Variants in RAD23B observed in about 807,000 individuals in gnomAD.
RAD23B encodes the protein lysine-specific demethylase RAD23B.
RAD23B carries 5 observed loss-of-function variants against 49.1 expected under a neutral mutation model. The observed-to-expected ratio is 0.10, with a 90% CI of 0.05 to 0.21. The LOEUF is 0.21. Ranked by LOEUF, RAD23B falls within the 10% of genes least tolerant of loss-of-function variation. RAD23B has a pLI of 1.00. For synonymous variants in RAD23B, 184 were observed against 165.4 expected (o/e 1.11, Z -0.86); for missense variants, 356 against 486.7 (o/e 0.73, Z 2.53).
At chr9:107,314,320 A>C (rs1442792120) in intron 5 of RAD23B, among the ~76,000 whole-genome samples, 2 of 152,168 alleles carry the variant, frequency 1.3e-5, no homozygotes, top group Non-Finnish European at 2.9e-5. Context: ...ATTGTACCAA[A>C]CAGGAAGTTT....
chr9:107,292,965 A>G lies in RAD23B; in HGVS notation c.67-7176A>G, dbSNP rs192114794. The stretch of plus-strand genomic sequence containing the variant: ...CTATTTCATAATTTCTGTGAGTCAG[A>G]AATTCAGGGATATTTTAGCTGTGTG... On this transcript the variant is annotated intron_variant, in intron 1 of 9. Coordinates refer to ENST00000358015, the MANE Select transcript of RAD23B (RefSeq NM_002874.5). Among the ~76,000 whole-genome samples the G allele has an allele frequency of 9.0e-4, 137 of 152,324 alleles. 1 individual carries two copies. The highest frequency in any genetic ancestry group is 7.3e-3 in the Admixed American group (112 of 15,298).
At chr9:107,306,320 T>A in intron 3 of RAD23B, 59 bp from the exon 4 acceptor site, 1 of 1,512,894 alleles carries the variant, frequency 6.6e-7, no homozygotes, top group Non-Finnish European at 9.0e-7. Flanking sequence ...ACAGTCTAAT[T>A]AGAGATCAGG....
At position 107,331,860 on chromosome 9, in the gene RAD23B, C is replaced by T. The variant is rs112298213; in HGVS notation, c.*2204C>T. ...TTTATCTGCTTCTTAAAGAATCAGC[C>T]GAGACACCATAAAAGAAATAGGCTT... On this transcript the variant is annotated 3_prime_UTR_variant, in exon 10 of 10. Transcript: ENST00000358015. The T allele has an allele frequency of 4.5e-3, 2,537 of 562,358 alleles. 10 individuals are homozygous for T. The highest frequency in any genetic ancestry group is 4.1e-3 in the Non-Finnish European group (1,272 of 311,892). 34.8% of individuals were successfully genotyped at this position (562,358 alleles called of 1,614,324 possible).
At chr9:107,322,824 T>G (rs1212207047) in intron 7 of RAD23B, among the ~76,000 whole-genome samples, 1 of 152,198 alleles carries the variant, frequency 6.6e-6, no homozygotes, top group Non-Finnish European at 1.5e-5. Flanking sequence ...GTGTACAGTC[T>G]CCCAAGGACA....
intron 9 of RAD23B, among the ~76,000 whole-genome samples, chr9:107,326,468 G>A (rs1428820592): frequency 2.2e-5 from 3 of 137,048 alleles, no homozygotes; most frequent in African/African-American, 8.5e-5. Context: ...GCCACAGAGC[G>A]AGACTCTGTC....
intron 7 of RAD23B, among the ~76,000 whole-genome samples, chr9:107,323,519 AT>A (rs1587863992): frequency 6.6e-6 from 1 of 151,978 alleles, no homozygotes; most frequent in Admixed American, 6.6e-5. Context: ...TGTGGTGTAT[AT>A]TTTTCTTAGG....
intron 5 of RAD23B, among the ~76,000 whole-genome samples, chr9:107,312,329 C>G (rs1587857856): frequency 6.6e-6 from 1 of 152,128 alleles, no homozygotes; most frequent in Admixed American, 6.5e-5. Context: ...TATTGGCTGG[C>G]AACTCCATTC....
chr9:107,319,426 G>A (rs1362266829), intron 6 of RAD23B, among the ~76,000 whole-genome samples: 1 of 152,026 alleles, frequency 6.6e-6, no homozygotes, highest in African/African-American at 2.4e-5. Context: ...CACCGTGCCT[G>A]GCCAAAATTT....
chr9:107,309,514 A>C (rs545863244), intron 4 of RAD23B, among the ~76,000 whole-genome samples: 10 of 152,360 alleles, frequency 6.6e-5, no homozygotes, highest in African/African-American at 2.2e-4. Flanking sequence ...ACATATAACT[A>C]ATGAGTGGTT....
In RAD23B at chr9:107,329,614, G is replaced by A. The variant is rs1564254835; in HGVS notation, c.1188G>A (p.Leu396=). Residue 396 remains leucine, a synonymous_variant, in exon 10 of 10, where the codon TTG becomes TTA. Transcript: ENST00000358015. ...AYFACEKNEN[L]AANFLLQQNF... is the part of the protein sequence containing the mutation. ...TTGCTTGTGAGAAGAATGAGAATTT[G>A]GCTGCCAATTTTCTTCTACAGCAGA... 1.9e-6 allele frequency: 3 copies of A among 1,613,432 alleles called. No homozygotes were observed. The highest frequency in any genetic ancestry group is 1.7e-5 in the Admixed American group (1 of 60,014).
chr9:107,321,455 C>T (rs985718031), intron 6 of RAD23B, among the ~76,000 whole-genome samples: 5 of 151,912 alleles, frequency 3.3e-5, no homozygotes, highest in Non-Finnish European at 7.4e-5. Context: ...ATTTTTTCCC[C>T]CAGGAGTCAT....
In RAD23B at chr9:107,308,963, A is replaced by C. The variant is rs78275092; in HGVS notation, c.497+2316A>C. On this transcript the variant is annotated intron_variant, in intron 4 of 9. Coordinates refer to ENST00000358015, the MANE Select transcript of RAD23B (RefSeq NM_002874.5). ...TATTAGGGATTTGTTTCTTTAGGTC[A>C]ATTTTGTTCTTTTAAAAATTGTCTG... 3.0e-4 allele frequency among the ~76,000 whole-genome samples: 45 copies of C among 152,326 alleles called. No individual in the cohort carries two copies. The East Asian group carries it at 7.9e-3, about 27-fold the overall frequency.
At chr9:107,304,066 TGCTGCTACAGTAAG>T (rs1312941665) in intron 3 of RAD23B, among the ~76,000 whole-genome samples, 2 of 152,150 alleles carry the variant, frequency 1.3e-5, no homozygotes, top group African/African-American at 2.4e-5. Flanking sequence ...AGGGAGGGAA[TGCTGCTACAGTAAG>T]GCATTATGGA....
At chr9:107,326,123 G>A (rs1288419543) in intron 9 of RAD23B, among the ~76,000 whole-genome samples, 1 of 152,086 alleles carries the variant, frequency 6.6e-6, no homozygotes, top group South Asian at 2.1e-4. Flanking sequence ...TAGCCTGCTT[G>A]TATTTTGTTG....
chr9:107,306,517 C>A lies in RAD23B; in HGVS notation c.367C>A (p.Pro123Thr). 3.7e-6 allele frequency: 6 copies of A among 1,614,164 alleles called. No individual in the cohort carries two copies. Among genetic ancestry groups the A allele is most frequent in the Non-Finnish European group, 5.1e-6 (6 of 1,180,032 alleles). ...PVPALAPTST[P>T]ASITPASATA... is the part of the protein sequence containing the mutation. Reference sequence around the variant, plus strand: ...CCCTGCCTTGGCCCCCACTTCCACACCTGCATCCATCACTCCAGCATCAGC... The same window carrying A: ...CCCTGCCTTGGCCCCCACTTCCACAACTGCATCCATCACTCCAGCATCAGC... Residue 123 changes from proline (P) to threonine (T), a missense_variant, in exon 4 of 10, where the codon CCT (proline) becomes ACT (threonine). Around this residue, in one of 5 missense-constraint regions of RAD23B, gnomAD observed 137 missense variants for 122.0 expected, o/e 1.12. Transcript: ENST00000358015.
intron 9 of RAD23B, among the ~76,000 whole-genome samples, chr9:107,327,696 T>C (rs761656106): frequency 2.5e-4 from 38 of 152,304 alleles, no homozygotes; most frequent in Non-Finnish European, 4.6e-4. Flanking sequence ...GAATGTTCTA[T>C]GTATACTGAA....
At chr9:107,304,013 T>G (rs1019076325) in intron 3 of RAD23B, among the ~76,000 whole-genome samples, 6 of 152,176 alleles carry the variant, frequency 3.9e-5, no homozygotes, top group Admixed American at 1.3e-4. Context: ...CTAATGATAT[T>G]TATGATTGTT....
intron 1 of RAD23B, among the ~76,000 whole-genome samples, chr9:107,293,940 G>T (rs991256227): frequency 6.6e-6 from 1 of 152,108 alleles, no homozygotes; most frequent in South Asian, 2.1e-4. Flanking sequence ...GGGCACCACA[G>T]CACCCGTCTA....
intron 1 of RAD23B, among the ~76,000 whole-genome samples, chr9:107,286,100 A>G (rs1833268350): frequency 6.6e-6 from 1 of 152,210 alleles, no homozygotes; most frequent in Non-Finnish European, 1.5e-5. Flanking sequence ...CTGGTCACAG[A>G]TTTGTCCTTG....
Sources: gnomAD v4.1 joint callset for allele counts (sites outside exome capture counted in the v4.1 genomes callset) on GRCh38, gnomAD v4.1.1 for gene constraint, gnomAD v4.1.1 regional missense constraint, MANE v1.5 for transcripts, NCBI Gene and HGNC (gene_info 2026-07-23, HGNC 2026-07-21) for gene names.